The following TMEM120B variants were observed in gnomAD, a reference collection of about 807,000 sequenced individuals.
The protein encoded by TMEM120B is transmembrane protein 120B.
Under a neutral mutation model 55.5 loss-of-function variants are expected in TMEM120B, and 31 were observed. The ratio of observed to expected loss-of-function variants is 0.56; its 90% confidence interval spans 0.42 to 0.75. The LOEUF (loss-of-function observed/expected upper bound fraction) is 0.75, where lower values mean the gene tolerates loss of function less well. TMEM120B is among the 30% of genes least tolerant of loss of function. The pLI, the probability that TMEM120B is intolerant of heterozygous loss-of-function variation, is 0.00. For missense variants in TMEM120B, 399 were observed against 425.5 expected, an observed-to-expected ratio of 0.94 and a Z score of 0.55; for synonymous variants, 203 against 176.3, an observed-to-expected ratio of 1.15 and a Z score of -1.20.
chr12:121,729,771 C>T (rs1428795658), intron 1 of TMEM120B, among the ~76,000 whole-genome samples: 1 of 152,148 alleles, frequency 6.6e-6, no homozygotes, highest in Non-Finnish European at 1.5e-5. Flanking sequence ...TGCACCGCAG[C>T]CTGGGCGACA....
chr12:121,735,150 C>T (rs1292426125), intron 1 of TMEM120B, among the ~76,000 whole-genome samples: 1 of 140,434 alleles, frequency 7.1e-6, no homozygotes, highest in African/African-American at 2.7e-5. Flanking sequence ...CGCACCAGTG[C>T]ACTCTAGCCT....
chr12:121,734,394 C>T (rs945491562), intron 1 of TMEM120B, among the ~76,000 whole-genome samples: 6 of 150,924 alleles, frequency 4.0e-5, no homozygotes, highest in African/African-American at 1.5e-4. Flanking sequence ...GAGTAGCTGG[C>T]ATTACAGGCA....
In TMEM120B at chr12:121,750,410, G is replaced by A; in HGVS notation, c.336G>A (p.Val112=). The A allele has an allele frequency of 6.2e-7, 1 of 1,612,414 alleles. No individual in the cohort carries two copies. Among genetic ancestry groups the A allele is most frequent in the Non-Finnish European group, 8.5e-7 (1 of 1,179,174 alleles). The change falls in exon 4 of 12, where the codon GTG becomes GTA. Residue 112 remains valine (V), a synonymous_variant. Coordinates refer to ENST00000449592, the MANE Select transcript of TMEM120B (RefSeq NM_001080825.2). ...ACTTGAACCTGGTCCTCGGCAATGT[G>A]AACGTGACCCTCCTCAGCAACCAGG... ...GLYLNLVLGN[V]NVTLLSNQAK...
intron 5 of TMEM120B, among the ~76,000 whole-genome samples, chr12:121,759,689 A>G (rs1873606343): frequency 6.6e-6 from 1 of 151,468 alleles, no homozygotes; most frequent in Non-Finnish European, 1.5e-5. Context: ...AACAAACAAA[A>G]CGCTTTAGAG....
intron 1 of TMEM120B, among the ~76,000 whole-genome samples, chr12:121,740,663 CG>C (rs1211104828): frequency 6.6e-6 from 1 of 151,754 alleles, no homozygotes; most frequent in Non-Finnish European, 1.5e-5. Context: ...CTTGCTGTCT[CG>C]GGGTGGCAGA....
At chr12:121,753,235 G>C in intron 5 of TMEM120B, among the ~76,000 whole-genome samples, 1 of 152,168 alleles carries the variant, frequency 6.6e-6, no homozygotes, top group East Asian at 1.9e-4. Flanking sequence ...GGATTCCATT[G>C]CTGAGAACTG....
At chr12:121,728,171 C>A (rs1033901957) in intron 1 of TMEM120B, among the ~76,000 whole-genome samples, 1 of 151,424 alleles carries the variant, frequency 6.6e-6, no homozygotes, top group Admixed American at 6.6e-5. Context: ...GGACGCTTGG[C>A]GAATTTTTGT....
At chr12:121,739,919 C>T (rs951425128) in intron 1 of TMEM120B, among the ~76,000 whole-genome samples, 3 of 148,838 alleles carry the variant, frequency 2.0e-5, no homozygotes, top group African/African-American at 7.4e-5. Flanking sequence ...CCTGGGATTA[C>T]AGGTGCCCGC....
chr12:121,753,181 T>C (rs1873381008), intron 5 of TMEM120B, among the ~76,000 whole-genome samples: 1 of 152,020 alleles, frequency 6.6e-6, no homozygotes, highest in African/African-American at 2.4e-5. Context: ...ACCTTGAAAA[T>C]GTGATGCTGA....
At chr12:121,757,051 A>C (rs541745308) in intron 5 of TMEM120B, among the ~76,000 whole-genome samples, 1 of 152,104 alleles carries the variant, frequency 6.6e-6, no homozygotes, top group African/African-American at 2.4e-5. Flanking sequence ...CCACAGTCTC[A>C]GAAGCACAGC....
Position 121,779,518 on chromosome 12 carries a change from G to C in TMEM120B, c.*3796G>C, listed in dbSNP as rs764888399. On this transcript the variant is annotated 3_prime_UTR_variant, in exon 12 of 12. Transcript: ENST00000449592. The stretch of plus-strand genomic sequence containing the variant: ...CTGGGTCAGAGCAGCAGGCAGAGCC[G>C]GCGCTTCTTCTGCCGTTGCGCCTTC... 3.7e-6 allele frequency: 6 copies of C among 1,612,712 alleles called. No homozygotes were observed. Among genetic ancestry groups the C allele is most frequent in the Middle Eastern group, 3.3e-4 (2 of 6,062 alleles).
At chr12:121,769,715 CG>C (rs1873969944) in intron 6 of TMEM120B, among the ~76,000 whole-genome samples, 1 of 148,318 alleles carries the variant, frequency 6.7e-6, no homozygotes, top group Admixed American at 6.7e-5. Flanking sequence ...AAAGAGAAAA[CG>C]TGTGTGTGTG....
At chr12:121,763,391 T>G (rs1051999254) in intron 6 of TMEM120B, among the ~76,000 whole-genome samples, 11 of 152,024 alleles carry the variant, frequency 7.2e-5, no homozygotes, top group Non-Finnish European at 8.8e-5. Flanking sequence ...CTCGATCTCC[T>G]GACCTCGTGA....
intron 1 of TMEM120B, among the ~76,000 whole-genome samples, chr12:121,720,726 A>C (rs532786907): frequency 2.0e-5 from 3 of 152,230 alleles, no homozygotes; most frequent in South Asian, 4.1e-4. Flanking sequence ...AAAGAAAAAA[A>C]AAAGGAATCT....
chr12:121,728,119 G>A (rs1385368033), intron 1 of TMEM120B, among the ~76,000 whole-genome samples: 1 of 151,316 alleles, frequency 6.6e-6, no homozygotes, highest in Non-Finnish European at 1.5e-5. Flanking sequence ...GTGATTCTCC[G>A]GCCTCAGCCT....
intron 1 of TMEM120B, among the ~76,000 whole-genome samples, chr12:121,714,185 G>T (rs749216077): frequency 6.6e-6 from 1 of 152,110 alleles, no homozygotes; most frequent in East Asian, 1.9e-4. Flanking sequence ...CTAGGGCCTG[G>T]GTCCCATCCG....
intron 7 of TMEM120B, 39 bp downstream of exon 7, chr12:121,771,011 G>A (rs1318368701): frequency 2.5e-6 from 4 of 1,605,030 alleles, no homozygotes; most frequent in Non-Finnish European, 3.4e-6. Flanking sequence ...GCCTCCCAGG[G>A]AGTAGAGCCT....
chr12:121,753,819 C>T lies in TMEM120B; in HGVS notation c.461+1596C>T, dbSNP rs371717491. 4.3e-4 allele frequency among the ~76,000 whole-genome samples: 65 copies of T among 152,324 alleles called. 1 individual carries two copies. In the East Asian group the frequency reaches 5.6e-3, roughly 13 times the overall value. On this transcript the variant is annotated intron_variant, in intron 5 of 11. Coordinates refer to ENST00000449592, the MANE Select transcript of TMEM120B (RefSeq NM_001080825.2). ...CTCCCCATCTGTAAAACAAGGGTGA[C>T]GGCAGTCCCTGCCTCACAGGGCTGT...
chr12:121,751,844 G>T (rs1873340526), intron 4 of TMEM120B, among the ~76,000 whole-genome samples: 1 of 152,196 alleles, frequency 6.6e-6, no homozygotes, highest in African/African-American at 2.4e-5. Context: ...GCAGCAGTTG[G>T]TTGAGGGAAG....
Sources: gnomAD v4.1 joint callset for allele counts (sites outside exome capture counted in the v4.1 genomes callset) on GRCh38, gnomAD v4.1.1 for gene constraint, MANE v1.5 for transcripts, NCBI Gene and HGNC (gene_info 2026-07-23, HGNC 2026-07-21) for gene names.